Variants in GALNT14 observed in about 807,000 individuals in gnomAD.
GALNT14 encodes polypeptide N-acetylgalactosaminyltransferase 14.
GALNT14 carries 60 observed loss-of-function variants against 77.5 expected under a neutral mutation model. The observed-to-expected ratio is 0.77, with a 90% CI of 0.63 to 0.96. The LOEUF is 0.96. Ranked by LOEUF, GALNT14 falls within the 40% of genes least tolerant of loss-of-function variation. GALNT14 has a pLI of 0.00. For synonymous variants in GALNT14, 280 were observed against 281.7 expected, an observed-to-expected ratio of 0.99 and a Z score of 0.06; for missense variants, 710 against 731.0, an observed-to-expected ratio of 0.97 and a Z score of 0.33.
chr2:31,046,418 C>T (rs1012123970), intron 1 of GALNT14, among the ~76,000 whole-genome samples: 9 of 151,916 alleles, frequency 5.9e-5, no homozygotes, highest in African/African-American at 2.2e-4. Context: ...TTAGTAGAGA[C>T]GGGGTTTCAC....
At chr2:31,128,677 T>TA (rs143619994) in intron 1 of GALNT14, among the ~76,000 whole-genome samples, 7,084 of 152,242 alleles carry the variant, frequency 0.047, 305 homozygotes, top group African/African-American at 0.11. Context: ...GGCTCCTGGC[T>TA]AGGCCAGAGT....
At position 31,037,669 on chromosome 2, in the gene GALNT14, T is replaced by C. The variant is rs897695361; in HGVS notation, c.130-44662A>G. Among the ~76,000 whole-genome samples the C allele has an allele frequency of 3.9e-5, 6 of 152,232 alleles. No individual in the cohort carries two copies. In the South Asian group the frequency reaches 1.0e-3, roughly 26 times the overall value. On this transcript the variant is annotated intron_variant, in intron 1 of 14. Coordinates refer to ENST00000349752, the MANE Select transcript of GALNT14 (RefSeq NM_024572.4). ...GGTGTGTTTTTGCTAATATTTGTGG[T>C]TGCTGCTGATGCTACTCCTGCTTGT...
At chr2:31,061,683 AC>A (rs11306176) in intron 1 of GALNT14, among the ~76,000 whole-genome samples, 38,965 of 151,922 alleles carry the variant, frequency 0.26, 5,141 homozygotes, top group African/African-American at 0.32. Flanking sequence ...TACTCCAAGT[AC>A]CCCCAGACCA....
intron 13 of GALNT14, among the ~76,000 whole-genome samples, chr2:30,916,422 T>G (rs1572960047): frequency 6.6e-6 from 1 of 152,146 alleles, no homozygotes; most frequent in African/African-American, 2.4e-5. Flanking sequence ...GTCCCTCCTA[T>G]CCCAAAGCTG....
At chr2:30,964,576 T>G (rs1364029731) in intron 3 of GALNT14, among the ~76,000 whole-genome samples, 1 of 152,118 alleles carries the variant, frequency 6.6e-6, no homozygotes, top group East Asian at 1.9e-4. Flanking sequence ...CAAATTTGAA[T>G]CAGGTGGCTC....
intron 9 of GALNT14, among the ~76,000 whole-genome samples, chr2:30,937,956 T>C (rs1342141891): frequency 6.6e-6 from 1 of 152,158 alleles, no homozygotes; most frequent in Non-Finnish European, 1.5e-5. Flanking sequence ...CTCAGGCCTA[T>C]GAATGCTTAG....
chr2:31,028,923 A>T (rs1250774068), intron 1 of GALNT14, among the ~76,000 whole-genome samples: 1 of 152,190 alleles, frequency 6.6e-6, no homozygotes. Context: ...GGGATTGGCC[A>T]TGTTCAAAAA....
chr2:30,904,646 C>T, the GALNT14 span, among the ~76,000 whole-genome samples: 1 of 152,250 alleles, frequency 6.6e-6, no homozygotes, highest in Non-Finnish European at 1.5e-5. Flanking sequence ...GGGCGCCCGC[C>T]ATTGCCCAGG....
intron 13 of GALNT14, among the ~76,000 whole-genome samples, chr2:30,918,191 C>T (rs988613915): frequency 5.3e-5 from 8 of 152,210 alleles, no homozygotes; most frequent in Non-Finnish European, 8.8e-5. Flanking sequence ...CCTTTCCTCC[C>T]ATGTGGCAAG....
At chr2:31,076,583 A>C (rs1675802987) in intron 1 of GALNT14, among the ~76,000 whole-genome samples, 1 of 151,802 alleles carries the variant, frequency 6.6e-6, no homozygotes, top group East Asian at 1.9e-4. Flanking sequence ...TTGCAAACGC[A>C]AAAGGAGCAC....
chr2:30,930,089 C>A (rs1259120049), intron 10 of GALNT14, among the ~76,000 whole-genome samples: 4 of 152,154 alleles, frequency 2.6e-5, no homozygotes, highest in Non-Finnish European at 2.9e-5. Context: ...ACAAACCTTT[C>A]CCCCAAAAGA....
chr2:31,118,977 G>T (rs1293549509), intron 1 of GALNT14, among the ~76,000 whole-genome samples: 1 of 152,010 alleles, frequency 6.6e-6, no homozygotes, highest in Non-Finnish European at 1.5e-5. Flanking sequence ...GGAAGTGATG[G>T]CTTATTTAAT....
chr2:31,134,689 A>G (rs1679148923), intron 1 of GALNT14, among the ~76,000 whole-genome samples: 2 of 152,048 alleles, frequency 1.3e-5, no homozygotes, highest in South Asian at 4.1e-4. Flanking sequence ...CCTCCCTTAC[A>G]CAAACCCCCT....
chr2:30,958,323 C>T (rs1667485933), intron 4 of GALNT14, 74 bp downstream of exon 4: 2 of 1,316,798 alleles, frequency 1.5e-6, no homozygotes, highest in Non-Finnish European at 2.2e-6. Context: ...AACCAGTGGA[C>T]TCACCTCTGC....
chr2:31,005,712 G>A lies in GALNT14; in HGVS notation c.130-12705C>T, dbSNP rs373795423. ...GACCGGGTGCCTCACCTCACTGTCC[G>A]TCTGTGAGAATTGGTCATTATCAAT... On this transcript the variant is annotated intron_variant, in intron 1 of 14. Transcript: ENST00000349752. 7.1e-4 allele frequency among the ~76,000 whole-genome samples: 108 copies of A among 152,288 alleles called. 2 individuals carry two copies. In the South Asian group the frequency reaches 0.021, roughly 29 times the overall value.
chr2:31,028,337 A>G (rs1211680883), intron 1 of GALNT14, among the ~76,000 whole-genome samples: 1 of 151,942 alleles, frequency 6.6e-6, no homozygotes, highest in Non-Finnish European at 1.5e-5. Flanking sequence ...CTCAACCCAG[A>G]TCTCCCTCCT....
chr2:31,138,127 G>C lies in GALNT14; in HGVS notation c.-41C>G, dbSNP rs769128842. 6 of 1,612,830 alleles carry C rather than the reference G, an allele frequency of 3.7e-6. No individual in the cohort carries two copies. The highest frequency in any genetic ancestry group is 1.3e-5 in the African/African-American group (1 of 75,036). Reference sequence around the variant, plus strand: ...TTCCTCTCCGCGGCGCTACGTCCCGGGGGCACCCCCCGGCGGTCAGGGTTG... The same window carrying C: ...TTCCTCTCCGCGGCGCTACGTCCCGCGGGCACCCCCCGGCGGTCAGGGTTG... On this transcript the variant is annotated 5_prime_UTR_variant, in exon 1 of 15. Coordinates refer to ENST00000349752, the MANE Select transcript of GALNT14 (RefSeq NM_024572.4).
At chr2:31,021,048 A>G (rs1404582982) in intron 1 of GALNT14, among the ~76,000 whole-genome samples, 27 of 152,086 alleles carry the variant, frequency 1.8e-4, no homozygotes, top group Non-Finnish European at 1.5e-5. Context: ...TCAATTGCCA[A>G]TGGGACTGGA....
intron 6 of GALNT14, among the ~76,000 whole-genome samples, chr2:30,946,626 C>T (rs1666715285): frequency 6.6e-6 from 1 of 152,144 alleles, no homozygotes; most frequent in Non-Finnish European, 1.5e-5. Context: ...AACCTCATTT[C>T]TTCTATAAAT....
Sources: allele counts gnomAD v4.1 joint callset (sites outside exome capture counted in the v4.1 genomes callset), GRCh38; gene constraint gnomAD v4.1.1; transcripts MANE v1.5; gene names NCBI Gene and HGNC (gene_info 2026-07-23, HGNC 2026-07-21).